The following SLC44A5 variants were observed in gnomAD, a reference collection of about 807,000 sequenced individuals.
The protein encoded by SLC44A5 is solute carrier family 44 member 5.
SLC44A5 carries 57 observed loss-of-function variants against 101.8 expected under a neutral mutation model. That is an observed-to-expected ratio of 0.56 (90% CI 0.45 to 0.70). SLC44A5 has a LOEUF of 0.70. SLC44A5 is among the 30% of genes least tolerant of loss of function. The pLI is 0.00. For missense variants in SLC44A5, 737 were observed against 853.1 expected (o/e 0.86, Z 1.70); for synonymous variants, 281 against 290.9 (o/e 0.97, Z 0.35).
the SLC44A5 span, among the ~76,000 whole-genome samples, chr1:75,623,882 C>T: frequency 6.6e-6 from 1 of 152,048 alleles, no homozygotes; most frequent in African/African-American, 2.4e-5. Context: ...TGAAACTTTC[C>T]ATTTAAAAGT....
chr1:75,489,533 G>C (rs1355955426), intron 2 of SLC44A5, among the ~76,000 whole-genome samples: 1 of 152,200 alleles, frequency 6.6e-6, no homozygotes, highest in Non-Finnish European at 1.5e-5. Flanking sequence ...TCAGGCGTAA[G>C]TCCTTAAAAA....
At chr1:75,409,102 A>G (rs966009156) in intron 2 of SLC44A5, among the ~76,000 whole-genome samples, 1 of 152,188 alleles carries the variant, frequency 6.6e-6, no homozygotes, top group African/African-American at 2.4e-5. Context: ...AAAATACCAC[A>G]TCTTCGCTTA....
intron 2 of SLC44A5, among the ~76,000 whole-genome samples, chr1:75,513,302 C>A (rs1321665853): frequency 6.6e-6 from 1 of 152,192 alleles, no homozygotes; most frequent in Non-Finnish European, 1.5e-5. Context: ...CCGGTATACA[C>A]TATTTTAATG....
the SLC44A5 span, among the ~76,000 whole-genome samples, chr1:75,701,188 G>T: frequency 6.6e-6 from 1 of 152,086 alleles, no homozygotes; most frequent in African/African-American, 2.4e-5. Flanking sequence ...ACCAAAGCCT[G>T]GCAGAGACAC....
At chr1:75,407,059 C>T (rs1008355467) in intron 2 of SLC44A5, among the ~76,000 whole-genome samples, 1 of 152,004 alleles carries the variant, frequency 6.6e-6, no homozygotes, top group African/African-American at 2.4e-5. Context: ...TGCCTATACA[C>T]CAATAACAGA....
chr1:75,405,696 C>T (rs1463606532), intron 2 of SLC44A5, among the ~76,000 whole-genome samples: 1 of 152,124 alleles, frequency 6.6e-6, no homozygotes, highest in South Asian at 2.1e-4. Flanking sequence ...CTGTGGGACA[C>T]AGCTAAAGCA....
At chr1:75,321,426 C>T (rs997375573) in intron 4 of SLC44A5, among the ~76,000 whole-genome samples, 2 of 151,322 alleles carry the variant, frequency 1.3e-5, no homozygotes, top group Admixed American at 1.3e-4. Context: ...TAGATGAATG[C>T]CTTCTTGCTG....
chr1:75,320,321 A>T (rs1656044759), intron 4 of SLC44A5, among the ~76,000 whole-genome samples: 1 of 152,144 alleles, frequency 6.6e-6, no homozygotes, highest in African/African-American at 2.4e-5. Flanking sequence ...AATGAACAAC[A>T]AAAGATAAGG....
the SLC44A5 span, among the ~76,000 whole-genome samples, chr1:75,718,002 T>A: frequency 1.3e-5 from 2 of 152,218 alleles, no homozygotes; most frequent in Non-Finnish European, 2.9e-5. Flanking sequence ...GAGGCTTTTT[T>A]ACAAAATGAT....
At chr1:75,617,312 T>C in the SLC44A5 span, among the ~76,000 whole-genome samples, 4 of 152,012 alleles carry the variant, frequency 2.6e-5, no homozygotes, top group Admixed American at 2.0e-4. Flanking sequence ...ATTCAGTGAG[T>C]TAATTCAATA....
intron 3 of SLC44A5, among the ~76,000 whole-genome samples, chr1:75,344,176 C>G (rs906771583): frequency 2.0e-5 from 3 of 152,100 alleles, no homozygotes; most frequent in African/African-American, 7.2e-5. Flanking sequence ...AGGACAAGAA[C>G]AAAGACATTC....
At position 75,500,724 on chromosome 1, in the gene SLC44A5, T is replaced by C. The variant is rs892076295; in HGVS notation, c.13+40711A>G. Among the ~76,000 whole-genome samples the C allele has an allele frequency of 2.6e-5, 4 of 152,192 alleles. 1 individual carries two copies. The highest frequency in any genetic ancestry group is 5.9e-5 in the Non-Finnish European group (4 of 68,032). On this transcript the variant is annotated intron_variant, in intron 2 of 23. Coordinates refer to ENST00000370859, the MANE Select transcript of SLC44A5 (RefSeq NM_001130058.2). ...AAATCACTTCTGCTCTTCAGTACAA[T>C]TATTGGTAACAACAGAGAAAGTTAC... is the stretch of plus-strand genomic sequence containing the variant.
In SLC44A5 at chr1:75,361,292, C is replaced by T. The variant is rs965036204; in HGVS notation, c.53-21662G>A. On this transcript the variant is annotated intron_variant, in intron 3 of 23. Coordinates refer to ENST00000370859, the MANE Select transcript of SLC44A5 (RefSeq NM_001130058.2). ...CACGTCTTCTTTTCCTATTAGGATG[C>T]CTTTTATTTCTTTCTGTTGCTTAAT... Among the ~76,000 whole-genome samples, 3 of 151,896 alleles carry T rather than the reference C, an allele frequency of 2.0e-5. No homozygotes were observed. In the East Asian group the frequency reaches 5.8e-4, roughly 29 times the overall value.
chr1:75,275,250 T>C (rs572365963), intron 5 of SLC44A5, among the ~76,000 whole-genome samples: 64 of 152,258 alleles, frequency 4.2e-4, no homozygotes, highest in African/African-American at 1.5e-3. Flanking sequence ...TCTTATTCTC[T>C]CAGGATTCAG....
the SLC44A5 span, among the ~76,000 whole-genome samples, chr1:75,681,319 G>A: frequency 2.0e-5 from 3 of 152,126 alleles, no homozygotes; most frequent in Non-Finnish European, 4.4e-5. Flanking sequence ...GAGAATTTTA[G>A]ACCAATATTC....
chr1:75,340,344 G>T (rs1278351059), intron 3 of SLC44A5, among the ~76,000 whole-genome samples: 1 of 152,016 alleles, frequency 6.6e-6, no homozygotes, highest in Non-Finnish European at 1.5e-5. Context: ...TAAAGTCATT[G>T]CTGGCCAAGG....
Position 75,376,999 on chromosome 1 carries a change from A to G in SLC44A5, c.52+19584T>C, listed in dbSNP as rs1461755034. Among the ~76,000 whole-genome samples the G allele has an allele frequency of 3.9e-5, 6 of 152,228 alleles. No individual in the cohort carries two copies. In the East Asian group the frequency reaches 1.2e-3, roughly 29 times the overall value. Reference sequence around the variant, plus strand: ...GTGCTTAAAGGAGCTGATGGAGCTGAAAACCAAGGCTCGAGAACTACGTGA... The same window carrying G: ...GTGCTTAAAGGAGCTGATGGAGCTGGAAACCAAGGCTCGAGAACTACGTGA... On this transcript the variant is annotated intron_variant, in intron 3 of 23. Transcript: ENST00000370859.
intron 1 of SLC44A5, among the ~76,000 whole-genome samples, chr1:75,606,984 T>A (rs169830): frequency 0.96 from 145,415 of 152,062 alleles, 69,562 homozygotes; most frequent in East Asian, 0.97. Flanking sequence ...CCAGTGAGTC[T>A]TCCAGTCTGT....
At chr1:75,620,805 C>A in the SLC44A5 span, among the ~76,000 whole-genome samples, 3 of 152,102 alleles carry the variant, frequency 2.0e-5, no homozygotes, top group African/African-American at 7.2e-5. Flanking sequence ...ATGATAGTTT[C>A]TTTTGCTGTG....
Sources: allele counts gnomAD v4.1 joint callset (sites outside exome capture counted in the v4.1 genomes callset), GRCh38; gene constraint gnomAD v4.1.1; transcripts MANE v1.5; gene names NCBI Gene and HGNC (gene_info 2026-07-23, HGNC 2026-07-21).